Variants in SEZ6L observed in about 807,000 individuals in gnomAD.
The protein encoded by SEZ6L is seizure 6-like protein.
SEZ6L carries 37 observed loss-of-function variants against 106.2 expected under a neutral mutation model. The observed-to-expected ratio is 0.35, with a 90% CI of 0.27 to 0.46. The LOEUF (loss-of-function observed/expected upper bound fraction) is 0.46. Among genes scored for constraint, SEZ6L ranks in the 20% least tolerant of loss-of-function variants. The pLI, the probability that SEZ6L is intolerant of heterozygous loss-of-function variation, is 1.00. For missense variants in SEZ6L, 1,172 were observed against 1,332.8 expected, an observed-to-expected ratio of 0.88 and a Z score of 1.88; for synonymous variants, 541 against 570.4, an observed-to-expected ratio of 0.95 and a Z score of 0.73.
intron 4 of SEZ6L, 122 bp from the exon 5 acceptor site, chr22:26,298,862 C>A: frequency 2.5e-6 from 2 of 804,470 alleles, no homozygotes; most frequent in Non-Finnish European, 3.6e-6. Context: ...TTCTCCAGAG[C>A]TCTGGAGTCC....
At chr22:26,246,123 C>T (rs1473148516) in intron 1 of SEZ6L, among the ~76,000 whole-genome samples, 1 of 152,194 alleles carries the variant, frequency 6.6e-6, no homozygotes. Context: ...TAGACATTCA[C>T]TTGTCTTAGT....
At chr22:26,196,351 T>C (rs1422686772) in intron 1 of SEZ6L, among the ~76,000 whole-genome samples, 1 of 152,218 alleles carries the variant, frequency 6.6e-6, no homozygotes. Flanking sequence ...TTAAGCCTCT[T>C]TTCTATATAA....
chr22:26,222,130 A>G (rs1433565218), intron 1 of SEZ6L, among the ~76,000 whole-genome samples: 1 of 152,170 alleles, frequency 6.6e-6, no homozygotes, highest in Admixed American at 6.5e-5. Flanking sequence ...GATCCATTCC[A>G]GACTTACTAA....
At chr22:26,325,925 CACCA>C (rs945105305) in intron 9 of SEZ6L, among the ~76,000 whole-genome samples, 19 of 112,238 alleles carry the variant, frequency 1.7e-4, no homozygotes, top group African/African-American at 7.1e-4. Flanking sequence ...CGATCACACA[CACCA>C]CACACACACA....
At chr22:26,322,355 A>T (rs1355013764) in intron 9 of SEZ6L, among the ~76,000 whole-genome samples, 2 of 152,216 alleles carry the variant, frequency 1.3e-5, no homozygotes, top group Admixed American at 6.5e-5. Context: ...TCGGGGCACC[A>T]GCTGTGTGTC....
chr22:26,229,158 G>A (rs1017026857), intron 1 of SEZ6L, among the ~76,000 whole-genome samples: 1 of 152,106 alleles, frequency 6.6e-6, no homozygotes, highest in African/African-American at 2.4e-5. Context: ...CACCACACCT[G>A]GATAATTTTT....
chr22:26,304,081 C>T (rs1396910336), intron 5 of SEZ6L, among the ~76,000 whole-genome samples: 1 of 152,138 alleles, frequency 6.6e-6, no homozygotes, highest in African/African-American at 2.4e-5. Flanking sequence ...TGGCTGAGTG[C>T]TGTGGCTGAT....
intron 1 of SEZ6L, among the ~76,000 whole-genome samples, chr22:26,235,794 A>G (rs2078939863): frequency 6.6e-6 from 1 of 152,034 alleles, no homozygotes; most frequent in Admixed American, 6.6e-5. Context: ...AGAATAGAGG[A>G]CTCTCCAGTC....
At position 26,350,946 on chromosome 22, in the gene SEZ6L, G is replaced by A. The variant is rs111245704; in HGVS notation, c.2408-106G>A. 12,378 of 1,217,808 alleles carry A rather than the reference G, an allele frequency of 0.01. 961 individuals are homozygous for A. In the African/African-American group the frequency reaches 0.17, roughly 16 times the overall value. The allele number at this position is 1,217,808 out of a possible 1,614,324, so 75.4% of individuals were successfully genotyped here. ...GCTGGGACTACAGGCGTGAGCCACC[G>A]CACCCGGCCAAGTTAGGAAACTTTC... On this transcript the variant is annotated intron_variant, in intron 11 of 16. Transcript: ENST00000248933.
intron 9 of SEZ6L, among the ~76,000 whole-genome samples, chr22:26,315,145 A>T (rs1359783881): frequency 2.0e-5 from 3 of 152,176 alleles, no homozygotes; most frequent in Non-Finnish European, 4.4e-5. Flanking sequence ...TTATTTTCAA[A>T]TTATTAGTGA....
chr22:26,350,927 A>T, intron 11 of SEZ6L, 125 bp from the exon 12 acceptor site: 1 of 885,214 alleles, frequency 1.1e-6, no homozygotes, highest in Non-Finnish European at 1.7e-6. Context: ...AATTGCTGGG[A>T]CTACAGGCGT....
intron 9 of SEZ6L, among the ~76,000 whole-genome samples, chr22:26,340,208 T>C (rs1402422468): frequency 6.6e-6 from 1 of 152,136 alleles, no homozygotes; most frequent in Non-Finnish European, 1.5e-5. Context: ...CACTCTAGCC[T>C]GGGTGACAGA....
At chr22:26,360,920 A>C (rs1326930957) in intron 12 of SEZ6L, among the ~76,000 whole-genome samples, 1 of 152,132 alleles carries the variant, frequency 6.6e-6, no homozygotes, top group Non-Finnish European at 1.5e-5. Context: ...AACAAAAAAA[A>C]CACGGAGAGT....
At chr22:26,271,165 G>A (rs1471233866) in intron 1 of SEZ6L, among the ~76,000 whole-genome samples, 6 of 152,150 alleles carry the variant, frequency 3.9e-5, no homozygotes, top group African/African-American at 1.2e-4. Flanking sequence ...TGAAGGATAG[G>A]AACTATAGAA....
At chr22:26,232,587 A>T (rs901860840) in intron 1 of SEZ6L, among the ~76,000 whole-genome samples, 12 of 152,152 alleles carry the variant, frequency 7.9e-5, no homozygotes, top group African/African-American at 1.9e-4. Context: ...TCATGATCCG[A>T]TACACAAATG....
At chr22:26,207,460 G>A (rs73417531) in intron 1 of SEZ6L, among the ~76,000 whole-genome samples, 2,108 of 152,224 alleles carry the variant, frequency 0.014, 47 homozygotes, top group African/African-American at 0.047. Flanking sequence ...AATAATTCAC[G>A]TAAAGTACCT....
At position 26,267,196 on chromosome 22, in the gene SEZ6L, G is replaced by A. The variant is rs542205108; in HGVS notation, c.95-25210G>A. Reference sequence around the variant, plus strand: ...CCCATTTCACAGATGAGGAGATTGAGGTCACGATGGCTAACTCTCTAAGCT... The same window carrying A: ...CCCATTTCACAGATGAGGAGATTGAAGTCACGATGGCTAACTCTCTAAGCT... On this transcript the variant is annotated intron_variant, in intron 1 of 16. Coordinates refer to ENST00000248933, the MANE Select transcript of SEZ6L (RefSeq NM_021115.5). Among the ~76,000 whole-genome samples, 141 of 152,310 alleles carry A rather than the reference G, an allele frequency of 9.3e-4. 1 individual carries two copies. Among genetic ancestry groups the A allele is most frequent in the African/African-American group, 3.3e-3 (137 of 41,576 alleles).
intron 9 of SEZ6L, among the ~76,000 whole-genome samples, chr22:26,331,109 C>T (rs989602837): frequency 6.6e-6 from 1 of 152,258 alleles, no homozygotes; most frequent in Non-Finnish European, 1.5e-5. Context: ...CTGCTCCCCA[C>T]ATCCAGGCTC....
intron 1 of SEZ6L, among the ~76,000 whole-genome samples, chr22:26,248,932 C>T (rs1003087): frequency 0.13 from 18,972 of 140,964 alleles, 1,584 homozygotes; most frequent in East Asian, 0.39. Flanking sequence ...TTTCTTTTTT[C>T]TCCTGATAAG....
Sources: allele counts gnomAD v4.1 joint callset (sites outside exome capture counted in the v4.1 genomes callset), GRCh38; gene constraint gnomAD v4.1.1; transcripts MANE v1.5; gene names NCBI Gene and HGNC (gene_info 2026-07-23, HGNC 2026-07-21).